Variants in CCDC91 observed in about 807,000 individuals in gnomAD.
CCDC91 encodes coiled-coil domain-containing protein 91.
Under a neutral mutation model 63.2 loss-of-function variants are expected in CCDC91, and 48 were observed. The observed-to-expected ratio is 0.76, with a 90% confidence interval of 0.60 to 0.97. CCDC91 has a LOEUF of 0.97. CCDC91 is among the 50% of genes least tolerant of loss of function. The probability of loss-of-function intolerance (pLI) is 0.00; values close to 1 mark genes in which losing one functional copy is unlikely to be tolerated. For missense variants in CCDC91, 500 were observed against 494.6 expected (o/e 1.01, Z -0.10); for synonymous variants, 167 against 165.8 (o/e 1.01, Z -0.06).
intron 8 of CCDC91, among the ~76,000 whole-genome samples, chr12:28,400,421 G>A (rs115048211): frequency 0.018 from 2,731 of 150,570 alleles, 73 homozygotes; most frequent in African/African-American, 0.063. Flanking sequence ...GTGATGAGAG[G>A]GACTGCTGTG....
chr12:28,494,404 A>T (rs568633734), intron 12 of CCDC91, among the ~76,000 whole-genome samples: 2 of 151,878 alleles, frequency 1.3e-5, no homozygotes, highest in Non-Finnish European at 2.9e-5. Context: ...CTTTCTTAGT[A>T]GCAGGAGGTA....
intron 8 of CCDC91, among the ~76,000 whole-genome samples, chr12:28,406,810 A>ATTTTTTTTTTTTTT (rs375722489): frequency 2.7e-5 from 4 of 148,088 alleles, no homozygotes; most frequent in Admixed American, 6.7e-5. Context: ...GATTTTAACT[A>ATTTTTTTTTTTTTT]TTTTTTTTTG....
intron 1 of CCDC91, among the ~76,000 whole-genome samples, chr12:28,216,159 G>A (rs921493511): frequency 4.1e-4 from 62 of 152,142 alleles, no homozygotes; most frequent in African/African-American, 1.4e-3. Flanking sequence ...AGCATTTAAA[G>A]CTGTCTAATT....
intron 1 of CCDC91, among the ~76,000 whole-genome samples, chr12:28,238,966 A>G (rs970286756): frequency 6.6e-6 from 1 of 152,052 alleles, no homozygotes; most frequent in Non-Finnish European, 1.5e-5. Flanking sequence ...CAAAAGTACA[A>G]AGATTAGCTG....
intron 1 of CCDC91, among the ~76,000 whole-genome samples, chr12:28,217,968 G>T (rs1308378191): frequency 6.6e-6 from 1 of 152,020 alleles, no homozygotes; most frequent in Admixed American, 6.6e-5. Context: ...ATCATCTAAG[G>T]TTGTCTTCCT....
At chr12:28,466,046 C>G (rs1254370965) in intron 11 of CCDC91, among the ~76,000 whole-genome samples, 1 of 150,626 alleles carries the variant, frequency 6.6e-6, no homozygotes, top group Non-Finnish European at 1.5e-5. Flanking sequence ...TGCATCAGAG[C>G]CTTTTAGTAG....
chr12:28,530,876 T>TGG (rs1344691474), intron 12 of CCDC91, among the ~76,000 whole-genome samples: 4 of 152,136 alleles, frequency 2.6e-5, no homozygotes, highest in African/African-American at 9.7e-5. Flanking sequence ...AAGCATATGT[T>TGG]GGGAACTTAA....
At position 28,306,827 on chromosome 12, in the gene CCDC91, T is replaced by A; in HGVS notation, c.353T>A (p.Leu118His). The A allele has an allele frequency of 6.2e-7, 1 of 1,612,192 alleles. No individual in the cohort carries two copies. Among genetic ancestry groups the A allele is most frequent in the South Asian group, 1.1e-5 (1 of 91,026 alleles). ...TDEKSNGTIA[L>H]VDDSEDPGAN... ...GAAAAAAGTAATGGAACAATTGCCCTTGTGGATGATTCTGAGGATCCTGGA... is the reference window on the plus strand; with the variant it reads ...GAAAAAAGTAATGGAACAATTGCCCATGTGGATGATTCTGAGGATCCTGGA... Residue 118 changes from leucine (L) to histidine (H), a missense_variant, in exon 5 of 13, where the codon CTT becomes CAT. Leu to His is a moderately conservative substitution (Grantham distance 99, BLOSUM62 -3). Transcript: ENST00000536442.
chr12:28,439,524 C>T (rs559298512), intron 8 of CCDC91, among the ~76,000 whole-genome samples: 2 of 152,130 alleles, frequency 1.3e-5, no homozygotes, highest in South Asian at 4.1e-4. Context: ...TATATACTAA[C>T]CCCCTCCACA....
chr12:28,230,713 C>A (rs1206260463), intron 1 of CCDC91, among the ~76,000 whole-genome samples: 2 of 152,210 alleles, frequency 1.3e-5, no homozygotes, highest in East Asian at 3.9e-4. Flanking sequence ...CAGCCTCCAC[C>A]TTCTGGACTC....
intron 6 of CCDC91, among the ~76,000 whole-genome samples, chr12:28,356,573 G>A (rs1439308667): frequency 2.0e-5 from 3 of 152,080 alleles, no homozygotes. Context: ...GTTTGTGTCT[G>A]CCTTCTCCAA....
At chr12:28,237,600 C>G (rs1286267841) in intron 1 of CCDC91, among the ~76,000 whole-genome samples, 1 of 152,136 alleles carries the variant, frequency 6.6e-6, no homozygotes, top group Non-Finnish European at 1.5e-5. Flanking sequence ...GAAGCTGGAA[C>G]AGGCAGGGCA....
intron 9 of CCDC91, 24 bp downstream of exon 9, chr12:28,450,277 G>A: frequency 6.3e-7 from 1 of 1,582,510 alleles, no homozygotes. Flanking sequence ...TGTGCTCAGA[G>A]TGTAGAAAGA....
chr12:28,351,671 T>C (rs1943189408), intron 6 of CCDC91, among the ~76,000 whole-genome samples: 1 of 151,088 alleles, frequency 6.6e-6, no homozygotes, highest in South Asian at 2.1e-4. Context: ...CTCAGGTCAT[T>C]CCTCCTTTTT....
chr12:28,411,593 T>G (rs1021392614), intron 8 of CCDC91, among the ~76,000 whole-genome samples: 12 of 152,190 alleles, frequency 7.9e-5, no homozygotes, highest in Non-Finnish European at 1.0e-4. Context: ...TTTACTATGT[T>G]TTTACTCTTT....
rs576532815 is a variant in CCDC91, at chr12:28,415,138, AT to A, written c.762+23732del. Among the ~76,000 whole-genome samples the A allele has an allele frequency of 2.2e-3, 335 of 151,892 alleles. 6 individuals are homozygous for A. The South Asian group carries it at 0.034, about 16-fold the overall frequency. ...TTCTAGAGTGCTTTAAGGTTTATCT[AT>A]TTTTAATTTTTTTCTACTTTCCTTT... On this transcript the variant is annotated intron_variant, in intron 8 of 12. Transcript: ENST00000536442.
At chr12:28,416,651 T>C (rs1947680943) in intron 8 of CCDC91, among the ~76,000 whole-genome samples, 2 of 151,868 alleles carry the variant, frequency 1.3e-5, no homozygotes, top group Admixed American at 1.3e-4. Flanking sequence ...TGATGAGATA[T>C]CAAGAAAGGG....
chr12:28,501,242 T>C (rs1047731248), intron 12 of CCDC91, among the ~76,000 whole-genome samples: 1 of 151,958 alleles, frequency 6.6e-6, no homozygotes, highest in Non-Finnish European at 1.5e-5. Context: ...TCCAACACTA[T>C]GTTGAACAGG....
At position 28,362,362 on chromosome 12, in the gene CCDC91, CAA is replaced by C. The variant is rs1423300339; in HGVS notation, c.577-73_577-72del. The C allele has an allele frequency of 2.9e-6, 3 of 1,030,092 alleles. No homozygotes were observed. In the East Asian group the frequency reaches 8.0e-5, roughly 27 times the overall value. The allele number at this position is 1,030,092 out of a possible 1,614,324, so 63.8% of individuals were successfully genotyped here. A position where few individuals can be genotyped will look rare whatever the true frequency, so the allele number is the denominator to read the frequency against. ...ACCACTGAATCATTCGTGGAAGCAG[CAA>C]AAGTCTATGGTTTTATTATTTTGAA... On this transcript the variant is annotated intron_variant, in intron 6 of 12. Coordinates refer to ENST00000536442, the MANE Select transcript of CCDC91 (RefSeq NM_018318.5).
Sources: allele counts gnomAD v4.1 joint callset (sites outside exome capture counted in the v4.1 genomes callset), GRCh38; gene constraint gnomAD v4.1.1; transcripts MANE v1.5; gene names NCBI Gene and HGNC (gene_info 2026-07-23, HGNC 2026-07-21).